Variants in NRG3 observed in about 807,000 individuals in gnomAD.
The protein encoded by NRG3 is neuregulin 3.
NRG3 carries 31 observed loss-of-function variants against 66.9 expected under a neutral mutation model. The observed-to-expected ratio is 0.46, with a 90% CI of 0.35 to 0.63. The LOEUF is 0.63. NRG3 is among the 20% of genes least tolerant of loss of function. The pLI is 0.00. For missense variants in NRG3, 910 were observed against 878.9 expected (o/e 1.04, Z -0.45); for synonymous variants, 393 against 359.4 (o/e 1.09, Z -1.06).
intron 1 of NRG3, among the ~76,000 whole-genome samples, chr10:82,146,402 G>A (rs1005487565): frequency 1.3e-5 from 2 of 151,972 alleles, no homozygotes; most frequent in Non-Finnish European, 2.9e-5. Flanking sequence ...CTGATTTATC[G>A]TCTCTAGTAA....
intron 1 of NRG3, among the ~76,000 whole-genome samples, chr10:81,910,199 A>G (rs972922013): frequency 1.3e-5 from 2 of 152,236 alleles, no homozygotes; most frequent in East Asian, 3.9e-4. Flanking sequence ...CACATAATCT[A>G]TTTCTTGCTG....
chr10:82,524,946 T>G (rs1027710871), intron 2 of NRG3, among the ~76,000 whole-genome samples: 1 of 151,890 alleles, frequency 6.6e-6, no homozygotes, highest in Non-Finnish European at 1.5e-5. Flanking sequence ...TCCTTCTATA[T>G]TCACAGTGAT....
chr10:82,142,021 C>G (rs1201832051), intron 1 of NRG3, among the ~76,000 whole-genome samples: 1 of 152,162 alleles, frequency 6.6e-6, no homozygotes, highest in African/African-American at 2.4e-5. Flanking sequence ...ATTTTAAAAG[C>G]ACCCTGTCAG....
At chr10:81,969,886 A>C (rs991271500) in intron 1 of NRG3, among the ~76,000 whole-genome samples, 2 of 152,092 alleles carry the variant, frequency 1.3e-5, no homozygotes, top group Admixed American at 1.3e-4. Flanking sequence ...CAATCTCTTC[A>C]TACAGATTTC....
intron 1 of NRG3, among the ~76,000 whole-genome samples, chr10:82,033,443 C>T (rs1401522340): frequency 1.3e-5 from 2 of 152,252 alleles, no homozygotes; most frequent in Non-Finnish European, 1.5e-5. Flanking sequence ...AGGTTTCCCT[C>T]TACCTCTCAA....
chr10:82,049,409 T>C (rs1419497589), intron 1 of NRG3, among the ~76,000 whole-genome samples: 1 of 152,084 alleles, frequency 6.6e-6, no homozygotes, highest in African/African-American at 2.4e-5. Context: ...ATGTTTCCAA[T>C]GGGTGTTATT....
chr10:82,052,074 G>T (rs932109703), intron 1 of NRG3, among the ~76,000 whole-genome samples: 1 of 150,050 alleles, frequency 6.7e-6, no homozygotes, highest in Non-Finnish European at 1.5e-5. Flanking sequence ...TCATTTTCTG[G>T]CAATGTATGA....
At chr10:82,981,973 G>A (rs1307185286) in intron 8 of NRG3, among the ~76,000 whole-genome samples, 1 of 152,108 alleles carries the variant, frequency 6.6e-6, no homozygotes, top group Non-Finnish European at 1.5e-5. Context: ...TTATTGATAA[G>A]CACATTAAGG....
intron 1 of NRG3, among the ~76,000 whole-genome samples, chr10:82,234,702 C>A (rs149722119): frequency 6.6e-6 from 1 of 152,178 alleles, no homozygotes; most frequent in Admixed American, 6.5e-5. Context: ...GGGACAGCAT[C>A]GTAAAAGTTA....
chr10:81,907,968 G>A (rs1589419695), intron 1 of NRG3, among the ~76,000 whole-genome samples: 1 of 152,134 alleles, frequency 6.6e-6, no homozygotes, highest in East Asian at 1.9e-4. Flanking sequence ...TGTGTTTATT[G>A]CTACTTTTTC....
chr10:82,462,013 C>T (rs1300066813), intron 2 of NRG3, among the ~76,000 whole-genome samples: 1 of 152,076 alleles, frequency 6.6e-6, no homozygotes, highest in Non-Finnish European at 1.5e-5. Context: ...TGCCTGTAAT[C>T]CCAGCTACTC....
chr10:82,460,290 C>T (rs1178019420), intron 2 of NRG3, among the ~76,000 whole-genome samples: 2 of 152,112 alleles, frequency 1.3e-5, no homozygotes, highest in South Asian at 2.1e-4. Context: ...TTCCTGGCTT[C>T]GTTATTTGCT....
intron 2 of NRG3, among the ~76,000 whole-genome samples, chr10:82,531,186 G>T (rs1349652105): frequency 6.6e-6 from 1 of 151,186 alleles, no homozygotes; most frequent in Non-Finnish European, 1.5e-5. Flanking sequence ...TAAATTTAAA[G>T]TATTAAAAAT....
At chr10:82,253,930 A>G (rs2077595879) in intron 1 of NRG3, among the ~76,000 whole-genome samples, 1 of 152,138 alleles carries the variant, frequency 6.6e-6, no homozygotes, top group Non-Finnish European at 1.5e-5. Context: ...TGTATTTTGC[A>G]TTTGTTACTT....
At chr10:82,086,103 T>C (rs1005707328) in intron 1 of NRG3, among the ~76,000 whole-genome samples, 1 of 146,780 alleles carries the variant, frequency 6.8e-6, no homozygotes. Context: ...TTTGGGTAAC[T>C]GATATGGAAT....
intron 1 of NRG3, among the ~76,000 whole-genome samples, chr10:82,266,512 C>T (rs2078304658): frequency 6.6e-6 from 1 of 152,144 alleles, no homozygotes; most frequent in African/African-American, 2.4e-5. Context: ...CAACAGTAAT[C>T]AGCTAAGAGG....
intron 1 of NRG3, among the ~76,000 whole-genome samples, chr10:82,238,635 C>A (rs192365976): frequency 2.4e-4 from 36 of 152,150 alleles, no homozygotes; most frequent in Non-Finnish European, 5.0e-4. Context: ...CACCTTGAGA[C>A]AACCATTCTA....
At chr10:82,923,158 A>T (rs1327552071) in intron 4 of NRG3, among the ~76,000 whole-genome samples, 1 of 152,190 alleles carries the variant, frequency 6.6e-6, no homozygotes, top group Non-Finnish European at 1.5e-5. Context: ...AGCCATGCCC[A>T]TTGTATGACT....
intron 2 of NRG3, among the ~76,000 whole-genome samples, chr10:82,548,983 A>G (rs570120976): frequency 6.6e-6 from 1 of 152,150 alleles, no homozygotes; most frequent in Non-Finnish European, 1.5e-5. Context: ...AGTGCAAGAC[A>G]AAGCCCTCAC....
Sources: allele counts gnomAD v4.1 joint callset (sites outside exome capture counted in the v4.1 genomes callset), GRCh38; gene constraint gnomAD v4.1.1; transcripts MANE v1.5; gene names NCBI Gene and HGNC (gene_info 2026-07-23, HGNC 2026-07-21).